Variants in KNTC1 observed in about 807,000 individuals in gnomAD.
KNTC1 encodes the protein kinetochore associated 1.
Under a neutral mutation model 314.4 loss-of-function variants are expected in KNTC1, and 253 were observed. That is an observed-to-expected ratio of 0.80 (90% CI 0.73 to 0.89). KNTC1 has a LOEUF of 0.89. Ranked by LOEUF, KNTC1 falls within the 40% of genes least tolerant of loss-of-function variation. The probability of loss-of-function intolerance (pLI) is 0.00; values close to 1 mark genes in which losing one functional copy is unlikely to be tolerated. For missense variants in KNTC1, 2,475 were observed against 2,572.9 expected (o/e 0.96, Z 0.82); for synonymous variants, 901 against 901.4 (o/e 1.00, Z 0.01).
In KNTC1 at chr12:122,576,998, T is replaced by G; in HGVS notation, c.2690T>G (p.Leu897Arg). 5.7e-6 allele frequency: 9 copies of G among 1,575,922 alleles called. No individual in the cohort carries two copies. Among genetic ancestry groups the G allele is most frequent in the Non-Finnish European group, 7.8e-6 (9 of 1,160,468 alleles). ...FMLSDDEIYS[L>R]RIIDLIDREQ... is the part of the protein sequence containing the mutation. ...TTATCTGATGATGAGATCTACAGTC[T>G]AAGAATTATTGACCTGATTGATAGA... Residue 897 changes from leucine to arginine, a missense_variant, in exon 30 of 64, where the codon CTA becomes CGA. By Grantham distance (102) the Leu-to-Arg change is moderately radical. Transcript: ENST00000333479.
chr12:122,584,258 A>G lies in KNTC1; in HGVS notation c.3264-20A>G, dbSNP rs759020442. ...TTCAATGTGAGTATTCTAACTACCA[A>G]TACTTTCTTTCTTCCAAAGCGACTT... On this transcript the variant is annotated intron_variant, in intron 34 of 63. Transcript: ENST00000333479. 20 of 1,586,364 alleles carry G rather than the reference A, an allele frequency of 1.3e-5. No individual in the cohort carries two copies. The South Asian group carries it at 1.9e-4, about 15-fold the overall frequency.
At chr12:122,603,654 G>C (rs564671473) in intron 48 of KNTC1, among the ~76,000 whole-genome samples, 1 of 151,962 alleles carries the variant, frequency 6.6e-6, no homozygotes, top group African/African-American at 2.4e-5. Context: ...CATCATGCCC[G>C]GCTAATTTTT....
rs375472474 is a variant in KNTC1, at chr12:122,591,041, A to G, written c.4129-296A>G. 4.6e-5 allele frequency among the ~76,000 whole-genome samples: 7 copies of G among 152,214 alleles called. No homozygotes were observed. In the East Asian group the frequency reaches 7.7e-4, roughly 17 times the overall value. On this transcript the variant is annotated intron_variant, in intron 41 of 63. Coordinates refer to ENST00000333479, the MANE Select transcript of KNTC1 (RefSeq NM_014708.6). ...CCATGAATCAGTTTGTTTTTGTAGGATAAGTTTAACAGATAGAAAATTTCT... is the reference window on the plus strand; with the variant it reads ...CCATGAATCAGTTTGTTTTTGTAGGGTAAGTTTAACAGATAGAAAATTTCT...
chr12:122,563,619 G>A (rs535782512), intron 20 of KNTC1: 58 of 443,598 alleles, frequency 1.3e-4, no homozygotes, highest in African/African-American at 1.7e-4. Flanking sequence ...TTTTCACTGC[G>A]CCACCCTAGC....
At position 122,618,491 on chromosome 12, in the gene KNTC1, C is replaced by G; in HGVS notation, c.6095C>G (p.Pro2032Arg). ...IQIPLLSASC[P>R]LSPDQLSDCS... ...TTTGTTTTGTTTTCAGCCTCTTGTCCTTTAAGTCCTGATCAGCTGTCAGAT... is the reference window on the plus strand; with the variant it reads ...TTTGTTTTGTTTTCAGCCTCTTGTCGTTTAAGTCCTGATCAGCTGTCAGAT... The change falls in exon 59 of 64, where the codon CCT (proline) becomes CGT (arginine). Residue 2032 changes from proline to arginine, a missense_variant. Transcript: ENST00000333479. The G allele has an allele frequency of 2.5e-6, 4 of 1,610,748 alleles. No homozygotes were observed. The highest frequency in any genetic ancestry group is 2.5e-6 in the Non-Finnish European group (3 of 1,179,082).
chr12:122,603,710 C>A (rs577894943), intron 48 of KNTC1, among the ~76,000 whole-genome samples: 1 of 152,232 alleles, frequency 6.6e-6, no homozygotes, highest in East Asian at 1.9e-4. Context: ...CCAGGATGAT[C>A]TCGATCTCTT....
rs377553046 is a variant in KNTC1, at chr12:122,575,856, G to A, written c.2543G>A (p.Gly848Asp). The change falls in exon 29 of 64, where the codon GGC becomes GAC. Residue 848 changes from glycine to aspartate, a missense_variant. Coordinates refer to ENST00000333479, the MANE Select transcript of KNTC1 (RefSeq NM_014708.6). ...KLMEMKKLLR[G>D]YGIREVNLLN... ...ATGGAGATGAAAAAACTTTTACGAGGCTATGGAATAAGAGAGGTAAATCTC... is the reference window on the plus strand; with the variant it reads ...ATGGAGATGAAAAAACTTTTACGAGACTATGGAATAAGAGAGGTAAATCTC... 5.6e-6 allele frequency: 9 copies of A among 1,613,370 alleles called. No individual in the cohort carries two copies. The African/African-American group carries it at 1.2e-4, about 22-fold the overall frequency.
chr12:122,527,905 C>T (rs559211076), intron 1 of KNTC1, among the ~76,000 whole-genome samples: 2 of 152,330 alleles, frequency 1.3e-5, no homozygotes, highest in African/African-American at 4.8e-5. Context: ...GACGCCTCAC[C>T]TTATCCATTT....
chr12:122,622,550 A>G lies in KNTC1; in HGVS notation c.6458A>G (p.His2153Arg). The change falls in exon 62 of 64, where the codon CAT (histidine) becomes CGT (arginine). Residue 2153 changes from histidine to arginine, a missense_variant. Transcript: ENST00000333479. ...AAATACTTTCAAATGTTGAAGATGC[A>G]TGCGATGAATACCAACAATATCACT... is the stretch of plus-strand genomic sequence containing the variant. ...KTKYFQMLKM[H>R]AMNTNNITEL... 2 of 1,573,942 alleles carry G rather than the reference A, an allele frequency of 1.3e-6. No individual in the cohort carries two copies. Among genetic ancestry groups the G allele is most frequent in the East Asian group, 2.3e-5 (1 of 43,594 alleles).
At chr12:122,585,917 GAATA>G (rs1185639523) in intron 37 of KNTC1, 143 bp downstream of exon 37, 1 of 721,820 alleles carries the variant, frequency 1.4e-6, no homozygotes, top group Non-Finnish European at 2.3e-6. Context: ...AGATACAAAA[GAATA>G]AATACTGTGT....
At chr12:122,542,175 T>C in intron 6 of KNTC1, 48 bp downstream of exon 6, 1 of 1,235,304 alleles carries the variant, frequency 8.1e-7, no homozygotes, top group East Asian at 2.7e-5. Flanking sequence ...CAATATTTAC[T>C]AGTTTTATTA....
At chr12:122,606,689 T>A (rs1566012043) in intron 51 of KNTC1, among the ~76,000 whole-genome samples, 1 of 152,090 alleles carries the variant, frequency 6.6e-6, no homozygotes, top group African/African-American at 2.4e-5. Flanking sequence ...GCAAAAATAG[T>A]AAAAAAAGAA....
intron 31 of KNTC1, among the ~76,000 whole-genome samples, chr12:122,579,530 G>A (rs1965262283): frequency 6.6e-6 from 1 of 151,934 alleles, no homozygotes; most frequent in Admixed American, 6.6e-5. Context: ...ATCACTGGAA[G>A]GTAGTGATTA....
At chr12:122,624,934 A>G (rs1382921288) in intron 63 of KNTC1, among the ~76,000 whole-genome samples, 1 of 152,196 alleles carries the variant, frequency 6.6e-6, no homozygotes, top group Non-Finnish European at 1.5e-5. Flanking sequence ...TCTGGACCCC[A>G]TGGTCTCTCA....
chr12:122,539,590 T>C (rs1425690251), intron 4 of KNTC1, 86 bp from the exon 5 acceptor site: 11 of 911,272 alleles, frequency 1.2e-5, no homozygotes, highest in Non-Finnish European at 1.7e-5. Context: ...CTAATGATAA[T>C]TGATAACTCT....
At chr12:122,573,316 C>T (rs531008698) in intron 26 of KNTC1, 31 bp downstream of exon 26, 2 of 1,597,054 alleles carry the variant, frequency 1.3e-6, no homozygotes, top group Admixed American at 1.7e-5. Flanking sequence ...AGTCTTATTT[C>T]TTGGATCTAT....
At chr12:122,624,510 T>C in intron 62 of KNTC1, 88 bp from the exon 63 acceptor site, 1 of 820,484 alleles carries the variant, frequency 1.2e-6, no homozygotes, top group Non-Finnish European at 2.0e-6. Context: ...CCAAGCCATC[T>C]GTACATCTTG....
In KNTC1 at chr12:122,538,317, A is replaced by G. The variant is rs1308136561; in HGVS notation, c.251-22A>G. ...ATAAAGATTTTCGAAGGAAGCTTGTAACTTTGATTTGAAATTTTCAGATAC... is the reference window on the plus strand; with the variant it reads ...ATAAAGATTTTCGAAGGAAGCTTGTGACTTTGATTTGAAATTTTCAGATAC... On this transcript the variant is annotated intron_variant, in intron 3 of 63. Transcript: ENST00000333479. The G allele has an allele frequency of 4.5e-6, 6 of 1,333,490 alleles. No homozygotes were observed. The African/African-American group carries it at 5.9e-5, about 13-fold the overall frequency. The allele number at this position is 1,333,490 out of a possible 1,614,324, so 82.6% of individuals were successfully genotyped here.
chr12:122,579,891 T>G lies in KNTC1; in HGVS notation c.2842-14T>G. ...GGAAGTAGATTTTATTTCGCTTTAT[T>G]TATTTATTTTTAGGGCAAGGCCTGG... is the stretch of plus-strand genomic sequence containing the variant. On this transcript the variant is annotated splice_polypyrimidine_tract_variant and intron_variant, in intron 31 of 63. Coordinates refer to ENST00000333479, the MANE Select transcript of KNTC1 (RefSeq NM_014708.6). 1 of 1,581,410 alleles carries G rather than the reference T, an allele frequency of 6.3e-7. No homozygotes were observed. Among genetic ancestry groups the G allele is most frequent in the East Asian group, 2.2e-5 (1 of 44,734 alleles).
Sources: allele counts gnomAD v4.1 joint callset (sites outside exome capture counted in the v4.1 genomes callset), GRCh38; gene constraint gnomAD v4.1.1; transcripts MANE v1.5; gene names NCBI Gene and HGNC (gene_info 2026-07-23, HGNC 2026-07-21).